Variants in SCAF8 observed in about 807,000 individuals in gnomAD.
The protein encoded by SCAF8 is SR-related and CTD-associated factor 8.
In SCAF8, 23 loss-of-function variants were observed where a neutral mutation model predicts 140.5. That is an observed-to-expected ratio of 0.16 (90% confidence interval 0.12 to 0.23). The LOEUF (loss-of-function observed/expected upper bound fraction) is 0.23. Among genes scored for constraint, SCAF8 ranks in the 10% least tolerant of loss-of-function variants. The pLI is 1.00. For synonymous variants in SCAF8, 575 were observed against 528.9 expected (o/e 1.09, Z -1.20); for missense variants, 1,397 against 1,555.7 (o/e 0.90, Z 1.72).
At chr6:154,795,218 T>A in intron 6 of SCAF8, 79 bp downstream of exon 6, 1 of 1,217,178 alleles carries the variant, frequency 8.2e-7, no homozygotes, top group Non-Finnish European at 1.1e-6. Flanking sequence ...ACATACCACC[T>A]AGAGAATATG....
At chr6:154,817,870 A>G (rs898173327) in intron 13 of SCAF8, among the ~76,000 whole-genome samples, 1 of 152,214 alleles carries the variant, frequency 6.6e-6, no homozygotes, top group Non-Finnish European at 1.5e-5. Flanking sequence ...TGCTTTATAA[A>G]TCAGTCTCAG....
intron 1 of SCAF8, among the ~76,000 whole-genome samples, chr6:154,771,943 T>C (rs1776780712): frequency 6.6e-6 from 1 of 152,160 alleles, no homozygotes. Context: ...ACCGCATGTA[T>C]TTAGACGTTG....
chr6:154,741,433 G>A (rs537365125), intron 1 of SCAF8, among the ~76,000 whole-genome samples: 72 of 151,914 alleles, frequency 4.7e-4, no homozygotes, highest in South Asian at 1.5e-3. Context: ...TTGAGATGGA[G>A]TCTTGCTTCT....
intron 6 of SCAF8, among the ~76,000 whole-genome samples, chr6:154,797,041 T>C (rs1249771010): frequency 6.6e-6 from 1 of 152,152 alleles, no homozygotes; most frequent in Non-Finnish European, 1.5e-5. Context: ...AGATTAATTT[T>C]CGATAACATT....
intron 1 of SCAF8, among the ~76,000 whole-genome samples, chr6:154,767,754 G>T (rs1295298548): frequency 2.0e-5 from 3 of 151,940 alleles, no homozygotes; most frequent in African/African-American, 7.3e-5. Flanking sequence ...GCCCAGGCTG[G>T]TTCTGAACTC....
At chr6:154,821,160 A>G (rs2114675112) in intron 15 of SCAF8, among the ~76,000 whole-genome samples, 1 of 152,284 alleles carries the variant, frequency 6.6e-6, no homozygotes. Flanking sequence ...GAATTATGGC[A>G]GTGAGACAAA....
intron 3 of SCAF8, among the ~76,000 whole-genome samples, chr6:154,782,653 C>T (rs1562443261): frequency 6.6e-6 from 1 of 152,110 alleles, no homozygotes; most frequent in South Asian, 2.1e-4. Flanking sequence ...TTAACTTACA[C>T]GATCACAAGG....
intron 6 of SCAF8, among the ~76,000 whole-genome samples, chr6:154,796,318 A>G (rs1450152467): frequency 6.6e-6 from 1 of 150,634 alleles, no homozygotes; most frequent in Non-Finnish European, 1.5e-5. Flanking sequence ...TCTGATTACT[A>G]GACTTCATTA....
chr6:154,759,627 T>C (rs1251432079), intron 1 of SCAF8, among the ~76,000 whole-genome samples: 3 of 151,994 alleles, frequency 2.0e-5, no homozygotes, highest in Non-Finnish European at 4.4e-5. Context: ...CATACTAATA[T>C]GACATCTGGA....
chr6:154,762,155 A>G (rs950642340), intron 1 of SCAF8, among the ~76,000 whole-genome samples: 1 of 152,226 alleles, frequency 6.6e-6, no homozygotes, highest in Non-Finnish European at 1.5e-5. Flanking sequence ...CTGTGTAACA[A>G]ATTGTCACAA....
In SCAF8 at chr6:154,805,468, G is replaced by A; in HGVS notation, c.963G>A (p.Glu321=). The change falls in exon 9 of 20, where the codon GAG becomes GAA. Residue 321 remains glutamate (E), a synonymous_variant. Transcript: ENST00000367178. ...NLEHLRQQLL[E]QQQPQKATPQ... Reference sequence around the variant, plus strand: ...AACATCTCAGACAGCAGCTCTTGGAGCAGCAACAGCCTCAAAAGGTTTATA... The same window carrying A: ...AACATCTCAGACAGCAGCTCTTGGAACAGCAACAGCCTCAAAAGGTTTATA... 2 of 1,602,014 alleles carry A rather than the reference G, an allele frequency of 1.2e-6. No individual in the cohort carries two copies. The highest frequency in any genetic ancestry group is 1.7e-6 in the Non-Finnish European group (2 of 1,170,806).
intron 3 of SCAF8, among the ~76,000 whole-genome samples, chr6:154,783,383 G>A (rs1053042887): frequency 3.3e-5 from 5 of 152,140 alleles, no homozygotes; most frequent in Admixed American, 6.6e-5. Context: ...TCTTAGATAC[G>A]GTGAGGTCAG....
At chr6:154,828,831 G>A (rs1235737725) in intron 18 of SCAF8, among the ~76,000 whole-genome samples, 1 of 152,162 alleles carries the variant, frequency 6.6e-6, no homozygotes, top group East Asian at 1.9e-4. Flanking sequence ...TATTATTAAA[G>A]AAATTAGCTA....
chr6:154,733,412 C>A, upstream of SCAF8: 1 of 1,398,122 alleles, frequency 7.2e-7, no homozygotes, highest in Non-Finnish European at 9.3e-7. Flanking sequence ...GACTCGAGTC[C>A]GCCATATTGG....
intron 1 of SCAF8, among the ~76,000 whole-genome samples, chr6:154,766,669 C>CCCCTTT (rs1554258917): frequency 2.4e-5 from 2 of 82,424 alleles, no homozygotes; most frequent in African/African-American, 5.7e-5. Flanking sequence ...ACCCCCCCCC[C>CCCCTTT]TTTTTTTTTT....
At chr6:154,755,264 TA>T (rs1477235529) in intron 1 of SCAF8, among the ~76,000 whole-genome samples, 1 of 152,152 alleles carries the variant, frequency 6.6e-6, no homozygotes, top group Non-Finnish European at 1.5e-5. Context: ...AGATTATTAT[TA>T]TTTTTTTAGA....
At chr6:154,752,817 G>A (rs1583003154) in intron 1 of SCAF8, among the ~76,000 whole-genome samples, 1 of 152,106 alleles carries the variant, frequency 6.6e-6, no homozygotes, top group Non-Finnish European at 1.5e-5. Flanking sequence ...CGCCTCCTAG[G>A]TTCAAGTGAT....
chr6:154,766,114 ATACTTAC>A (rs1160562567), intron 1 of SCAF8, among the ~76,000 whole-genome samples: 2 of 152,202 alleles, frequency 1.3e-5, no homozygotes, highest in African/African-American at 4.8e-5. Context: ...AAGAGAAAGT[ATACTTAC>A]TATTCATTAA....
At chr6:154,766,860 T>G (rs1450602479) in intron 1 of SCAF8, among the ~76,000 whole-genome samples, 1 of 152,088 alleles carries the variant, frequency 6.6e-6, no homozygotes, top group East Asian at 1.9e-4. Flanking sequence ...ACTTCCAGAC[T>G]TATATGATGT....
Sources: gnomAD v4.1 joint callset for allele counts (sites outside exome capture counted in the v4.1 genomes callset) on GRCh38, gnomAD v4.1.1 for gene constraint, MANE v1.5 for transcripts, NCBI Gene and HGNC (gene_info 2026-07-23, HGNC 2026-07-21) for gene names.